BCAT1: variants seen among roughly 807,000 people sequenced by gnomAD.
BCAT1 encodes the protein branched chain amino acid transaminase 1.
In BCAT1, 48 loss-of-function variants were observed where a neutral mutation model predicts 52.4. The ratio of observed to expected loss-of-function variants is 0.92; its 90% CI spans 0.73 to 1.16. The LOEUF is 1.16. Among genes scored for constraint, BCAT1 ranks in the 50% most tolerant of loss-of-function variants. The pLI is 0.00. For missense variants in BCAT1, 451 were observed against 457.1 expected (o/e 0.99, Z 0.12); for synonymous variants, 167 against 161.3 (o/e 1.04, Z -0.27).
At chr12:24,935,406 C>G (rs998235660) in intron 1 of BCAT1, among the ~76,000 whole-genome samples, 1 of 152,098 alleles carries the variant, frequency 6.6e-6, no homozygotes, top group Admixed American at 6.6e-5. Flanking sequence ...TACAAAGTCC[C>G]AACAGAATCA....
At chr12:24,930,683 G>A (rs1047412521) in intron 1 of BCAT1, among the ~76,000 whole-genome samples, 2 of 152,068 alleles carry the variant, frequency 1.3e-5, no homozygotes, top group African/African-American at 4.8e-5. Flanking sequence ...CTCCTTGCTT[G>A]GCTGACAATT....
At chr12:24,949,121 G>T (rs1008281937), upstream of BCAT1, 2 of 595,598 alleles carry the variant, frequency 3.4e-6, no homozygotes, top group Non-Finnish European at 5.9e-6. Context: ...CTCTCGCGGC[G>T]GAGACTCGCG....
intron 1 of BCAT1, among the ~76,000 whole-genome samples, chr12:24,914,665 G>A (rs1943380301): frequency 6.6e-6 from 1 of 152,216 alleles, no homozygotes; most frequent in South Asian, 2.1e-4. Flanking sequence ...CTGGATTATA[G>A]TTTGAATCAG....
At position 24,836,640 on chromosome 12, in the gene BCAT1, A is replaced by G. The variant is rs1445955979; in HGVS notation, c.818-44T>C. On this transcript the variant is annotated intron_variant, in intron 7 of 10. Transcript: ENST00000261192. The stretch of plus-strand genomic sequence containing the variant: ...GACATTTTCAAACTTTCACTACATT[A>G]GGCATGCCTTATTATCAATAGCCAT... 3.4e-6 allele frequency: 5 copies of G among 1,480,802 alleles called. No homozygotes were observed. The East Asian group carries it at 1.2e-4, about 34-fold the overall frequency. 91.7% of individuals were successfully genotyped at this position (1,480,802 alleles called of 1,614,324 possible).
chr12:24,867,175 C>T (rs1942044711), intron 5 of BCAT1, among the ~76,000 whole-genome samples: 1 of 152,068 alleles, frequency 6.6e-6, no homozygotes, highest in Non-Finnish European at 1.5e-5. Flanking sequence ...AAGGAAGAAA[C>T]TCCGAACACA....
At chr12:24,945,256 T>C (rs562456752) in intron 1 of BCAT1, among the ~76,000 whole-genome samples, 38 of 152,336 alleles carry the variant, frequency 2.5e-4, no homozygotes, top group Non-Finnish European at 4.3e-4. Context: ...TTACCAATAT[T>C]TGCAAAGTCA....
intron 8 of BCAT1, among the ~76,000 whole-genome samples, chr12:24,835,780 G>A (rs1940893442): frequency 1.3e-5 from 2 of 151,632 alleles, no homozygotes; most frequent in Admixed American, 6.6e-5. Flanking sequence ...TTGTAGATTC[G>A]GGGTCTCACT....
At chr12:24,863,089 A>G (rs1941896210) in intron 5 of BCAT1, among the ~76,000 whole-genome samples, 1 of 152,232 alleles carries the variant, frequency 6.6e-6, no homozygotes, top group Admixed American at 6.5e-5. Context: ...ACTTGATAAA[A>G]AGGCTGATCA....
chr12:24,931,197 C>T (rs1215102795), intron 1 of BCAT1, among the ~76,000 whole-genome samples: 2 of 152,078 alleles, frequency 1.3e-5, no homozygotes, highest in Non-Finnish European at 1.5e-5. Flanking sequence ...TGAGCCACTG[C>T]ACCTGGCCCA....
intron 10 of BCAT1, among the ~76,000 whole-genome samples, chr12:24,818,906 G>A (rs1939991240): frequency 6.6e-6 from 1 of 152,120 alleles, no homozygotes; most frequent in African/African-American, 2.4e-5. Flanking sequence ...AAATGCCTGT[G>A]TTTATAATAA....
intron 1 of BCAT1, among the ~76,000 whole-genome samples, chr12:24,936,576 G>T (rs1943756637): frequency 6.6e-6 from 1 of 152,170 alleles, no homozygotes; most frequent in Admixed American, 6.5e-5. Context: ...CCAAATCAAG[G>T]TGTCAGCAGA....
chr12:24,936,724 CACACACACACACACACAT>C (rs1293640143), intron 1 of BCAT1, among the ~76,000 whole-genome samples: 2 of 106,536 alleles, frequency 1.9e-5, no homozygotes, highest in Non-Finnish European at 4.2e-5. Context: ...CTCTCTCTCT[CACACACACACACACACAT>C]ACACACACAC....
chr12:24,836,898 AAAAGAAAGAGAG>A (rs1420527934), intron 7 of BCAT1, among the ~76,000 whole-genome samples: 6 of 47,258 alleles, frequency 1.3e-4, no homozygotes, highest in Non-Finnish European at 2.5e-4. Flanking sequence ...AGAAAGAAAG[AAAAGAAAGAGAG>A]AAAGAAAGAA....
rs529755861 is a variant in BCAT1 at position 24,837,575 on chromosome 12, C to T, written c.818-979G>A. 8.6e-5 allele frequency among the ~76,000 whole-genome samples: 13 copies of T among 151,682 alleles called. No homozygotes were observed. The East Asian group carries it at 9.7e-4, about 11-fold the overall frequency. On this transcript the variant is annotated intron_variant, in intron 7 of 10. Transcript: ENST00000261192. ...CTGAGTAGCTGGGATTACAGGTACG[C>T]GCCACCACGCCTGGCTAATTTTTGT...
chr12:24,903,883 G>A (rs1414287319), intron 1 of BCAT1: 1 of 152,202 alleles, frequency 6.6e-6, no homozygotes. Context: ...AGCCTTCCTG[G>A]TTTTTAAATT....
rs1241163132 is a variant in BCAT1 at position 24,832,588 on chromosome 12, T to C, written c.1044+135A>G. On this transcript the variant is annotated intron_variant, in intron 9 of 10. Coordinates refer to ENST00000261192, the MANE Select transcript of BCAT1 (RefSeq NM_005504.7). ...ACAGCGAGACTCCATCTCTTTAAAA[T>C]AAAGAAAAACAACAACAACGACAAA... 6 of 1,106,528 alleles carry C rather than the reference T, an allele frequency of 5.4e-6. No individual in the cohort carries two copies. In the South Asian group the frequency reaches 7.0e-5, roughly 13 times the overall value. 68.5% of individuals were successfully genotyped at this position (1,106,528 alleles called of 1,614,324 possible).
At chr12:24,875,006 CAA>C (rs11370314) in intron 5 of BCAT1, among the ~76,000 whole-genome samples, 5 of 137,992 alleles carry the variant, frequency 3.6e-5, no homozygotes, top group Non-Finnish European at 6.2e-5. Context: ...AAGACAGGAC[CAA>C]AAAAAAAAAA....
At chr12:24,912,866 A>G (rs1010080810) in intron 1 of BCAT1, among the ~76,000 whole-genome samples, 3 of 152,228 alleles carry the variant, frequency 2.0e-5, no homozygotes, top group Non-Finnish European at 4.4e-5. Context: ...TTTCTTCAGA[A>G]GGTTGCTCAA....
chr12:24,902,042 C>A, intron 1 of BCAT1, 157 bp from the exon 2 acceptor site: 1 of 1,549,906 alleles, frequency 6.5e-7, no homozygotes, highest in Non-Finnish European at 8.7e-7. Flanking sequence ...CAGGCCCGAA[C>A]CTCCAACAAG....
Sources: allele counts gnomAD v4.1 joint callset (sites outside exome capture counted in the v4.1 genomes callset), GRCh38; gene constraint gnomAD v4.1.1; transcripts MANE v1.5; gene names NCBI Gene and HGNC (gene_info 2026-07-23, HGNC 2026-07-21).